RGS6: variants seen among roughly 807,000 people sequenced by gnomAD.
RGS6 encodes regulator of G protein signaling 6.
RGS6 carries 30 observed loss-of-function variants against 78.5 expected under a neutral mutation model. That is an observed-to-expected ratio of 0.38 (90% CI 0.29 to 0.52). RGS6 has a LOEUF of 0.52. RGS6 is among the 20% of genes least tolerant of loss of function. The pLI is 0.85. For synonymous variants in RGS6, 206 were observed against 206.0 expected (o/e 1.00, Z 0.00); for missense variants, 495 against 609.7 (o/e 0.81, Z 1.98).
chr14:72,605,049 T>C, the RGS6 span, among the ~76,000 whole-genome samples: 1 of 152,134 alleles, frequency 6.6e-6, no homozygotes, highest in African/African-American at 2.4e-5. Flanking sequence ...CAGCCATGGA[T>C]AAAATGCCGT....
the RGS6 span, among the ~76,000 whole-genome samples, chr14:71,904,313 C>T: frequency 5.9e-5 from 9 of 152,292 alleles, no homozygotes; most frequent in African/African-American, 2.2e-4. Flanking sequence ...TATTTTCACC[C>T]CTGACACAGG....
rs566805858 is a variant in RGS6 at position 72,083,656 on chromosome 14, A to G, written c.84+118781A>G. Reference sequence around the variant, plus strand: ...GGATTTGTGGGTTTTAGGCTACTAAAAATTAACCAACCACATTGAATTTCA... The same window carrying G: ...GGATTTGTGGGTTTTAGGCTACTAAGAATTAACCAACCACATTGAATTTCA... On this transcript the variant is annotated intron_variant, in intron 2 of 17. Coordinates refer to ENST00000553525, the MANE Select transcript of RGS6 (RefSeq NM_001204424.2). Among the ~76,000 whole-genome samples the G allele has an allele frequency of 2.6e-5, 4 of 152,310 alleles. No homozygotes were observed. In the South Asian group the frequency reaches 8.3e-4, roughly 32 times the overall value.
chr14:72,152,237 AGAGAGAGAGT>A (rs1282522011), intron 2 of RGS6, among the ~76,000 whole-genome samples: 96 of 138,646 alleles, frequency 6.9e-4, no homozygotes, highest in Admixed American at 1.8e-3. Context: ...AGAGAGAGAG[AGAGAGAGAGT>A]GTGTGTGTGT....
intron 3 of RGS6, among the ~76,000 whole-genome samples, chr14:72,367,751 G>A (rs955090208): frequency 4.6e-5 from 7 of 151,988 alleles, no homozygotes; most frequent in African/African-American, 1.2e-4. Flanking sequence ...CAGTTTCTTG[G>A]CAATACAGTT....
At chr14:71,878,267 CT>C in the RGS6 span, among the ~76,000 whole-genome samples, 4 of 152,242 alleles carry the variant, frequency 2.6e-5, no homozygotes, top group Non-Finnish European at 5.9e-5. Flanking sequence ...CAGCTATGCC[CT>C]GCCACCAGAG....
chr14:72,229,110 A>G (rs894104222), intron 2 of RGS6, among the ~76,000 whole-genome samples: 1 of 152,234 alleles, frequency 6.6e-6, no homozygotes, highest in East Asian at 1.9e-4. Flanking sequence ...AAACAACACA[A>G]AGAGATTCCA....
chr14:72,398,683 G>A (rs145789546), intron 3 of RGS6, among the ~76,000 whole-genome samples: 1 of 152,046 alleles, frequency 6.6e-6, no homozygotes, highest in Non-Finnish European at 1.5e-5. Context: ...TCTCTTGTGG[G>A]CATTTAGTGC....
intron 2 of RGS6, among the ~76,000 whole-genome samples, chr14:72,077,045 T>A (rs2153465617): frequency 6.6e-6 from 1 of 150,970 alleles, no homozygotes; most frequent in Non-Finnish European, 1.5e-5. Flanking sequence ...ATGATGTAAA[T>A]GTACCAATTT....
chr14:72,051,968 T>G (rs2093276341), intron 2 of RGS6, among the ~76,000 whole-genome samples: 1 of 152,212 alleles, frequency 6.6e-6, no homozygotes, highest in Non-Finnish European at 1.5e-5. Context: ...GGTGGATGGT[T>G]TGCTTTCTCT....
intron 7 of RGS6, among the ~76,000 whole-genome samples, chr14:72,466,288 T>C (rs1258499585): frequency 2.0e-5 from 3 of 152,234 alleles, no homozygotes; most frequent in African/African-American, 7.2e-5. Flanking sequence ...CTAGTGGTAA[T>C]GCAAAATGGT....
At chr14:72,612,303 G>A in the RGS6 span, among the ~76,000 whole-genome samples, 3 of 152,246 alleles carry the variant, frequency 2.0e-5, no homozygotes, top group South Asian at 6.2e-4. Context: ...AGACGCATTG[G>A]TGAGCCAGGG....
chr14:71,950,927 GGA>G (rs2092249009), intron 1 of RGS6, among the ~76,000 whole-genome samples: 1 of 152,136 alleles, frequency 6.6e-6, no homozygotes, highest in Admixed American at 6.5e-5. Flanking sequence ...GCGAGGCTGA[GGA>G]GAGAGAGAAA....
At chr14:72,410,600 T>C (rs932961551) in intron 3 of RGS6, among the ~76,000 whole-genome samples, 15 of 152,330 alleles carry the variant, frequency 9.8e-5, no homozygotes, top group Admixed American at 4.6e-4. Context: ...ATTTTGGCTT[T>C]TGTTGCCATT....
At chr14:72,166,484 T>C (rs1180588256) in intron 2 of RGS6, among the ~76,000 whole-genome samples, 2 of 152,182 alleles carry the variant, frequency 1.3e-5, no homozygotes, top group East Asian at 3.8e-4. Flanking sequence ...TTGTTTCACA[T>C]ACTCAGGAGC....
At chr14:72,053,314 T>G (rs1403549765) in intron 2 of RGS6, among the ~76,000 whole-genome samples, 2 of 151,368 alleles carry the variant, frequency 1.3e-5, no homozygotes, top group Non-Finnish European at 2.9e-5. Flanking sequence ...GAGACGGAGT[T>G]TCACCATATT....
intron 2 of RGS6, among the ~76,000 whole-genome samples, chr14:71,981,214 C>T (rs1349024409): frequency 6.6e-6 from 1 of 151,336 alleles, no homozygotes; most frequent in Non-Finnish European, 1.5e-5. Flanking sequence ...TGAATGTCCT[C>T]CCGTAGCTCA....
intron 3 of RGS6, among the ~76,000 whole-genome samples, chr14:72,379,155 A>G (rs989234655): frequency 2.0e-5 from 3 of 152,134 alleles, no homozygotes; most frequent in Non-Finnish European, 2.9e-5. Context: ...AAAACTCTCA[A>G]TTAAGATGGT....
intron 2 of RGS6, among the ~76,000 whole-genome samples, chr14:72,057,676 G>C (rs1448252165): frequency 6.6e-6 from 1 of 152,108 alleles, no homozygotes; most frequent in African/African-American, 2.4e-5. Context: ...TAGCAGACTT[G>C]ATTGCAGTGA....
intron 7 of RGS6, 21 bp downstream of exon 7, chr14:72,465,843 G>A (rs2095895975): frequency 6.3e-7 from 1 of 1,595,918 alleles, no homozygotes; most frequent in East Asian, 2.2e-5. Flanking sequence ...TTATTTTCCA[G>A]GATACATATA....
Sources: allele counts gnomAD v4.1 joint callset (sites outside exome capture counted in the v4.1 genomes callset), GRCh38; gene constraint gnomAD v4.1.1; transcripts MANE v1.5; gene names NCBI Gene and HGNC (gene_info 2026-07-23, HGNC 2026-07-21).